The following SPATA31A3 variants were observed in gnomAD, a reference collection of about 807,000 sequenced individuals.
SPATA31A3 encodes the protein SPATA31 subfamily A member 3, also known as spermatogenesis-associated protein 31A3.
For synonymous variants in SPATA31A3, 47 were observed against 419.3 expected, an observed-to-expected ratio of 0.11 and a Z score of 10.85; for missense variants, 132 against 1,094.6, an observed-to-expected ratio of 0.12 and a Z score of 12.41.
In SPATA31A3 at chr9:66,990,081, A is replaced by C. The variant is rs192661010; in HGVS notation, c.417T>G (p.His139Gln). ...TGGGAGCAGCATCTTCCATAGGCTCATGAGAGGACTGGGAGGCTCCATCAG... is the reference window on the plus strand; with the variant it reads ...TGGGAGCAGCATCTTCCATAGGCTCCTGAGAGGACTGGGAGGCTCCATCAG... The change falls in exon 4 of 4, where the codon CAT becomes CAG. Residue 139 changes from histidine (H) to glutamine (Q), a missense_variant. Coordinates refer to ENST00000428649, the Ensembl canonical transcript of SPATA31A3. The C allele has an allele frequency of 0.21, 339,341 of 1,605,732 alleles. 15,315 individuals are homozygous for C. The highest frequency in any genetic ancestry group is 0.27 in the Middle Eastern group (1,609 of 5,956).
chr9:66,986,902 A>G, exon 4 of SPATA31A3: 1 of 1,611,562 alleles, frequency 6.2e-7, no homozygotes, highest in Non-Finnish European at 8.5e-7. Context: ...GCTGCTGTAC[A>G]CACATGATCT....
rs1823272162 is a variant in SPATA31A3, at chr9:66,988,673, G to C, written c.1825C>G (p.Gln609Glu). The C allele has an allele frequency of 9.5e-6, 11 of 1,157,734 alleles. 2 individuals carry two copies. In the East Asian group the frequency reaches 2.5e-4, roughly 27 times the overall value. The allele number at this position is 1,157,734 out of a possible 1,614,324, so 71.7% of individuals were successfully genotyped here. ...ATCCTTCCCAGGTTGCCCCAGTGTT[G>C]GATGATCCACTTTTTTATGTGTTGC... Residue 609 changes from glutamine (Q) to glutamate (E), a missense_variant, in exon 4 of 4, where the codon CAA becomes GAA. Gln to Glu is a conservative substitution (Grantham distance 29, BLOSUM62 2). Transcript: ENST00000428649.
At chr9:66,987,248 C>T in exon 4 of SPATA31A3, 3 of 1,229,154 alleles carry the variant, frequency 2.4e-6, no homozygotes, top group East Asian at 4.5e-5. Flanking sequence ...TCCTCGTGCA[C>T]CAGTTTGCTC....
exon 4 of SPATA31A3, chr9:66,989,003 C>A (rs1823275075): frequency 9.5e-6 from 3 of 317,256 alleles, no homozygotes; most frequent in Admixed American, 7.3e-5. Context: ...TGGGCCTGAG[C>A]CTCGGCCTGA....
chr9:66,990,140 G>C, exon 4 of SPATA31A3: 1 of 1,610,974 alleles, frequency 6.2e-7, no homozygotes, highest in South Asian at 1.1e-5. Context: ...GGGGGGTCTG[G>C]ACCGGAGAGC....
At chr9:66,991,654 A>AAAAATAAAAT (rs1157053461) in intron 1 of SPATA31A3, among the ~76,000 whole-genome samples, 7 of 49,994 alleles carry the variant, frequency 1.4e-4, no homozygotes, top group Non-Finnish European at 2.2e-4. Context: ...CTCCATCTCA[A>AAAAATAAAAT]AAAATAAAAT....
Position 66,988,625 on chromosome 9 carries a change from G to A in SPATA31A3, c.1873C>T (p.Gln625Ter). ...GTCCCTGGTGATTCGTCCTGAAGCTGCATCAGATCCAGAGACTCTTGGATC... is the reference window on the plus strand; with the variant it reads ...GTCCCTGGTGATTCGTCCTGAAGCTACATCAGATCCAGAGACTCTTGGATC... The change falls in exon 4 of 4, where the codon CAG becomes TAG. Residue 625 changes from glutamine (Q) to a stop codon, truncating the protein, a stop_gained. Coordinates refer to ENST00000428649, the Ensembl canonical transcript of SPATA31A3. LOFTEE classifies it low-confidence loss of function (END_TRUNC). 1 of 1,171,744 alleles carries A rather than the reference G, an allele frequency of 8.5e-7. No individual in the cohort carries two copies. Among genetic ancestry groups the A allele is most frequent in the Non-Finnish European group, 1.2e-6 (1 of 827,350 alleles). The allele number at this position is 1,171,744 out of a possible 1,614,324, so 72.6% of individuals were successfully genotyped here. A position where few individuals can be genotyped will look rare whatever the true frequency, so the allele number is the denominator to read the frequency against.
rs200232419 is a variant in SPATA31A3, at chr9:66,987,299, G to A, written c.3199C>T (p.Arg1067Trp). The change falls in exon 4 of 4, where the codon CGG becomes TGG. Residue 1067 changes from arginine (R) to tryptophan (W), a missense_variant. Arg to Trp is a moderately radical substitution (Grantham distance 101, BLOSUM62 -3). Coordinates refer to ENST00000428649, the Ensembl canonical transcript of SPATA31A3. ...AGGTCATGTAGCTCCTGGGAAGCCC[G>A]CATGTTCCCAGTAGGCATGCTCTGG... 334 of 1,266,678 alleles carry A rather than the reference G, an allele frequency of 2.6e-4. 80 individuals are homozygous for A. The African/African-American group carries it at 3.9e-3, about 15-fold the overall frequency. The allele number at this position is 1,266,678 out of a possible 1,614,324, so 78.5% of individuals were successfully genotyped here. A position where few individuals can be genotyped will look rare whatever the true frequency, so the allele number is the denominator to read the frequency against.
chr9:66,988,603 C>G lies in SPATA31A3; in HGVS notation c.1895G>C (p.Gly632Ala), dbSNP rs1264879685. ...GGGTTTGCCCTTGGCCTGACTTGTC[C>G]CTGGTGATTCGTCCTGAAGCTGCAT... is the stretch of plus-strand genomic sequence containing the variant. The change falls in exon 4 of 4, where the codon GGG (glycine) becomes GCG (alanine). Residue 632 changes from glycine to alanine, a missense_variant. Gly to Ala is a moderately conservative substitution (Grantham distance 60). Transcript: ENST00000428649. 1.5e-5 allele frequency: 18 copies of G among 1,171,294 alleles called. 6 individuals carry two copies. In the African/African-American group the frequency reaches 2.8e-4, roughly 18 times the overall value. The allele number at this position is 1,171,294 out of a possible 1,614,324, so 72.6% of individuals were successfully genotyped here.
chr9:66,988,484 C>CACATCTGGGG lies in SPATA31A3; in HGVS notation c.2013_2014insCCCCAGATGT (p.Gly672ProfsTer9). 8 of 1,377,652 alleles carry CACATCTGGGG rather than the reference C, an allele frequency of 5.8e-6. No individual in the cohort carries two copies. Among genetic ancestry groups the CACATCTGGGG allele is most frequent in the Non-Finnish European group, 7.0e-6 (7 of 1,001,270 alleles). The allele number at this position is 1,377,652 out of a possible 1,614,324, so 85.3% of individuals were successfully genotyped here. On this transcript the variant is annotated frameshift_variant, in exon 4 of 4. Transcript: ENST00000428649. LOFTEE classifies it low-confidence loss of function (END_TRUNC). ...TGTGGGGTCTCACCCAGAATTTGCC[C>CACATCTGGGG]CAGATGTGGGCACGGGTCCCTCTCT...
rs1443851690 is a variant in SPATA31A3 at position 66,989,739 on chromosome 9, GC to G, written c.758del (p.Ser253ThrfsTer102). The G allele has an allele frequency of 6.2e-7, 1 of 1,609,940 alleles. No homozygotes were observed. The highest frequency in any genetic ancestry group is 1.3e-5 in the African/African-American group (1 of 74,364). On this transcript the variant is annotated frameshift_variant, in exon 4 of 4. Transcript: ENST00000428649. LOFTEE classifies it low-confidence loss of function (END_TRUNC). ...CCACCAAATCCTCATGTGGAGACAA[GC>G]TTTGAGGGACGGTGCCCAGTGGAAG...
Position 66,990,129 on chromosome 9 carries a change from TG to T in SPATA31A3, c.368del (p.Pro123GlnfsTer30), listed in dbSNP as rs1244414423. On this transcript the variant is annotated frameshift_variant, in exon 4 of 4. Transcript: ENST00000428649. LOFTEE classifies it low-confidence loss of function (END_TRUNC). Reference sequence around the variant, plus strand: ...CAGGTGCTCTTTCGCCCACCTCACCTGGGGGGTCTGGACCGGAGAGCTGACC... The same window carrying T: ...CAGGTGCTCTTTCGCCCACCTCACCTGGGGGTCTGGACCGGAGAGCTGACC... 1.3e-5 allele frequency: 21 copies of T among 1,611,692 alleles called. No homozygotes were observed. The highest frequency in any genetic ancestry group is 1.6e-5 in the Non-Finnish European group (19 of 1,179,096).
Position 66,987,294 on chromosome 9 carries a change from A to G in SPATA31A3, c.3204T>C (p.Ala1068=), listed in dbSNP as rs753561847. 2.1e-5 allele frequency: 26 copies of G among 1,267,612 alleles called. 6 individuals carry two copies. Among genetic ancestry groups the G allele is most frequent in the Middle Eastern group, 2.6e-4 (1 of 3,908 alleles). The allele number at this position is 1,267,612 out of a possible 1,614,324, so 78.5% of individuals were successfully genotyped here. Residue 1068 remains alanine, a synonymous_variant, in exon 4 of 4, where the codon GCT becomes GCC. Transcript: ENST00000428649. ...CCATGAGGTCATGTAGCTCCTGGGA[A>G]GCCCGCATGTTCCCAGTAGGCATGC...
At position 66,989,903 on chromosome 9, in the gene SPATA31A3, C is replaced by CG; in HGVS notation, c.594dup (p.Glu199ArgfsTer14). ...GGGTGAGGGAAAAGTGCAGGTGGCT[C>CG]GGGTGAGGGGTGTTCTAGGGGAAGG... On this transcript the variant is annotated frameshift_variant, in exon 4 of 4. Transcript: ENST00000428649. LOFTEE classifies it low-confidence loss of function (END_TRUNC). 1.3e-6 allele frequency: 2 copies of CG among 1,586,786 alleles called. No individual in the cohort carries two copies. Among genetic ancestry groups the CG allele is most frequent in the Non-Finnish European group, 1.7e-6 (2 of 1,171,478 alleles).
exon 4 of SPATA31A3, chr9:66,988,651 C>T: frequency 1.7e-6 from 2 of 1,167,036 alleles, no homozygotes; most frequent in East Asian, 2.3e-5. Context: ...CTCTTGGATC[C>T]TTCCCAGGTT....
exon 4 of SPATA31A3, chr9:66,989,844 C>T (rs1384000147): frequency 6.2e-7 from 1 of 1,609,376 alleles, no homozygotes; most frequent in Non-Finnish European, 8.5e-7. Flanking sequence ...TTGGAGGAGG[C>T]AGAGAGCAGG....
At chr9:66,989,115 T>C in exon 4 of SPATA31A3, 1 of 217,414 alleles carries the variant, frequency 4.6e-6, no homozygotes, top group South Asian at 3.0e-5. Flanking sequence ...GTGGGGACAT[T>C]GTAGTCTCCC....
exon 4 of SPATA31A3, chr9:66,986,345 G>T: frequency 1.3e-5 from 2 of 152,644 alleles, no homozygotes; most frequent in Non-Finnish European, 2.3e-5. Context: ...TAAATGTTCT[G>T]CATGTACTAA....
In SPATA31A3 at chr9:66,988,914, C is replaced by A. The variant is rs1167730374; in HGVS notation, c.1584G>T (p.Ser528=). 41 of 393,524 alleles carry A rather than the reference C, an allele frequency of 1.0e-4. 3 individuals carry two copies. The East Asian group carries it at 1.2e-3, about 12-fold the overall frequency. 24.4% of individuals were successfully genotyped at this position (393,524 alleles called of 1,614,324 possible). The change falls in exon 4 of 4, where the codon TCG becomes TCT. Residue 528 remains serine (S), a synonymous_variant. Coordinates refer to ENST00000428649, the Ensembl canonical transcript of SPATA31A3. ...GGGAGAGAGCTTGCACTTTATTCTG[C>A]GATGCAGGGCAAGCTACTCCAGTGT...
Sources: gnomAD v4.1 joint callset for allele counts (sites outside exome capture counted in the v4.1 genomes callset) on GRCh38, gnomAD v4.1.1 for gene constraint, MANE v1.5 for transcripts, NCBI Gene and HGNC (gene_info 2026-07-23, HGNC 2026-07-21) for gene names.